The following CDH18 variants were observed in gnomAD, a reference collection of about 807,000 sequenced individuals.
CDH18 encodes cadherin-18.
CDH18 carries 31 observed loss-of-function variants against 67.9 expected under a neutral mutation model. The observed-to-expected ratio is 0.46, with a 90% CI of 0.34 to 0.62. The LOEUF (loss-of-function observed/expected upper bound fraction) is 0.62. Ranked by LOEUF, CDH18 falls within the 20% of genes least tolerant of loss-of-function variation. The pLI, the probability that CDH18 is intolerant of heterozygous loss-of-function variation, is 0.01. For synonymous variants in CDH18, 362 were observed against 347.2 expected (o/e 1.04, Z -0.48); for missense variants, 890 against 975.5 (o/e 0.91, Z 1.17).
chr5:20,076,611 A>G (rs527727997), intron 2 of CDH18, among the ~76,000 whole-genome samples: 2 of 151,974 alleles, frequency 1.3e-5, no homozygotes, highest in South Asian at 4.1e-4. Flanking sequence ...GTGATTAAAG[A>G]TAGTAAATTT....
intron 3 of CDH18, among the ~76,000 whole-genome samples, chr5:19,815,702 T>C (rs1779217050): frequency 6.6e-6 from 1 of 151,974 alleles, no homozygotes; most frequent in Non-Finnish European, 1.5e-5. Flanking sequence ...TCAATTTTTT[T>C]GACACCTCCG....
At chr5:19,580,757 G>A (rs1440491352) in intron 7 of CDH18, among the ~76,000 whole-genome samples, 1 of 151,922 alleles carries the variant, frequency 6.6e-6, no homozygotes, top group Non-Finnish European at 1.5e-5. Context: ...TGTAAGTGAT[G>A]TACTTGGGAT....
intron 6 of CDH18, among the ~76,000 whole-genome samples, chr5:19,593,579 T>A (rs1305450568): frequency 2.0e-5 from 3 of 150,276 alleles, no homozygotes; most frequent in Non-Finnish European, 3.0e-5. Flanking sequence ...TTCCCACTTC[T>A]GTCTCCCCCT....
chr5:20,130,698 T>C lies in CDH18; in HGVS notation c.-518+124746A>G, dbSNP rs1202324556. ...AAGAGATTCGTGAATAATCTAATGT[T>C]AACCTCAAGAAATCTGTAGCGAACA... On this transcript the variant is annotated intron_variant, in intron 2 of 14. Transcript: ENST00000507958. 3.3e-5 allele frequency among the ~76,000 whole-genome samples: 5 copies of C among 152,136 alleles called. No homozygotes were observed. In the Middle Eastern group the frequency reaches 0.01, roughly 310 times the overall value.
At chr5:20,273,690 T>C (rs1277956357) in intron 1 of CDH18, among the ~76,000 whole-genome samples, 2 of 152,262 alleles carry the variant, frequency 1.3e-5, no homozygotes, top group Middle Eastern at 3.4e-3. Context: ...CTACTATTTC[T>C]TGGCTTATCC....
chr5:20,100,668 C>T (rs1357366842), intron 2 of CDH18, among the ~76,000 whole-genome samples: 2 of 152,032 alleles, frequency 1.3e-5, no homozygotes, highest in African/African-American at 2.4e-5. Context: ...GAGTGTATTA[C>T]CTATACATCT....
intron 2 of CDH18, among the ~76,000 whole-genome samples, chr5:20,015,326 G>A (rs1279359488): frequency 6.6e-6 from 1 of 152,022 alleles, no homozygotes; most frequent in Admixed American, 6.6e-5. Context: ...TTTCCCAGAG[G>A]GCTGAGTAAT....
chr5:20,562,399 C>A (rs576038429), intron 1 of CDH18, among the ~76,000 whole-genome samples: 1 of 151,626 alleles, frequency 6.6e-6, no homozygotes, highest in Middle Eastern at 3.4e-3. Context: ...TCAAGGCAAC[C>A]TTATGTACCT....
intron 2 of CDH18, among the ~76,000 whole-genome samples, chr5:20,104,084 T>TTA (rs1024434287): frequency 1.3e-5 from 2 of 150,474 alleles, no homozygotes; most frequent in African/African-American, 2.4e-5. Context: ...ATATAGATGA[T>TTA]TATATATATA....
At chr5:20,504,222 G>C (rs180808155) in intron 1 of CDH18, among the ~76,000 whole-genome samples, 1 of 150,132 alleles carries the variant, frequency 6.7e-6, no homozygotes, top group African/African-American at 2.4e-5. Flanking sequence ...CAGCCACCCA[G>C]GTTTCAAGAA....
At chr5:19,627,334 G>A (rs552920761) in intron 5 of CDH18, among the ~76,000 whole-genome samples, 4 of 152,216 alleles carry the variant, frequency 2.6e-5, no homozygotes, top group African/African-American at 4.8e-5. Flanking sequence ...AAATTGAGAC[G>A]AACATCATTT....
At chr5:20,187,588 G>A (rs1449587221) in intron 2 of CDH18, among the ~76,000 whole-genome samples, 1 of 151,780 alleles carries the variant, frequency 6.6e-6, no homozygotes, top group Non-Finnish European at 1.5e-5. Context: ...ATACATGTTG[G>A]CTCCTATGTG....
intron 1 of CDH18, among the ~76,000 whole-genome samples, chr5:20,313,022 C>G (rs1270851691): frequency 6.6e-6 from 1 of 151,936 alleles, no homozygotes; most frequent in Admixed American, 6.6e-5. Context: ...TGAATTAATC[C>G]TATTTTTTCA....
chr5:20,187,255 T>C (rs1033430470), intron 2 of CDH18, among the ~76,000 whole-genome samples: 2 of 151,834 alleles, frequency 1.3e-5, no homozygotes, highest in Non-Finnish European at 2.9e-5. Flanking sequence ...TGGCCATAGA[T>C]AAAAATGGCT....
At chr5:19,593,706 T>TCCTCCTCCTCCTCCTTCTTCC (rs1745621508) in intron 6 of CDH18, among the ~76,000 whole-genome samples, 1 of 81,058 alleles carries the variant, frequency 1.2e-5, no homozygotes, top group Non-Finnish European at 2.2e-5. Flanking sequence ...TTCCTCCTCC[T>TCCTCCTCCTCCTCCTTCTTCC]CCTTCTTCTT....
chr5:19,850,176 T>G (rs1205926063), intron 2 of CDH18, among the ~76,000 whole-genome samples: 2 of 151,886 alleles, frequency 1.3e-5, no homozygotes, highest in Non-Finnish European at 2.9e-5. Context: ...TCTTCCTGAT[T>G]AATAATAAGT....
At chr5:20,381,974 A>G (rs1200682503) in intron 1 of CDH18, among the ~76,000 whole-genome samples, 1 of 152,130 alleles carries the variant, frequency 6.6e-6, no homozygotes, top group East Asian at 1.9e-4. Context: ...TAAATTGTCA[A>G]TTTAAAAAGT....
chr5:20,498,508 TAA>T (rs1754045781), intron 1 of CDH18, among the ~76,000 whole-genome samples: 3 of 152,094 alleles, frequency 2.0e-5, no homozygotes, highest in Admixed American at 2.0e-4. Flanking sequence ...TTATCTTCAA[TAA>T]AAAGATGACT....
intron 2 of CDH18, among the ~76,000 whole-genome samples, chr5:20,254,907 C>T (rs572289803): frequency 9.2e-5 from 14 of 152,032 alleles, no homozygotes; most frequent in Non-Finnish European, 1.8e-4. Context: ...AAATGTGGTA[C>T]ATATACACCA....
Sources: gnomAD v4.1 joint callset for allele counts (sites outside exome capture counted in the v4.1 genomes callset) on GRCh38, gnomAD v4.1.1 for gene constraint, MANE v1.5 for transcripts, NCBI Gene and HGNC (gene_info 2026-07-23, HGNC 2026-07-21) for gene names.